TMEM196: variants seen among roughly 807,000 people sequenced by gnomAD.
The protein encoded by TMEM196 is transmembrane protein 196.
In TMEM196, 17 loss-of-function variants were observed where a neutral mutation model predicts 20.0. The observed-to-expected ratio is 0.85, with a 90% CI of 0.58 to 1.27. The LOEUF (loss-of-function observed/expected upper bound fraction) is 1.27, where lower values mean the gene tolerates loss of function less well. Among genes scored for constraint, TMEM196 ranks in the 50% most tolerant of loss-of-function variants. The pLI is 0.00. For synonymous variants in TMEM196, 113 were observed against 88.9 expected, an observed-to-expected ratio of 1.27 and a Z score of -1.52; for missense variants, 267 against 223.0, an observed-to-expected ratio of 1.20 and a Z score of -1.26.
chr7:19,747,079 C>A (rs1381104635), intron 1 of TMEM196, among the ~76,000 whole-genome samples: 2 of 151,524 alleles, frequency 1.3e-5, no homozygotes, highest in Non-Finnish European at 2.9e-5. Flanking sequence ...AACGGTGAAA[C>A]CCCGTCTCTA....
intron 1 of TMEM196, among the ~76,000 whole-genome samples, chr7:19,748,881 A>T (rs752884050): frequency 1.6e-4 from 24 of 152,184 alleles, no homozygotes; most frequent in Non-Finnish European, 1.9e-4. Context: ...CCTTAAAATC[A>T]TGTTTTCTTA....
At chr7:19,725,911 GAT>G (rs1783984942) in intron 2 of TMEM196, 143 bp from the exon 3 acceptor site, 1 of 982,284 alleles carries the variant, frequency 1.0e-6, no homozygotes, top group African/African-American at 1.7e-5. Flanking sequence ...GAGGACAGGA[GAT>G]TTTTTTTTTA....
intron 1 of TMEM196, among the ~76,000 whole-genome samples, chr7:19,770,137 A>T (rs1049307640): frequency 1.3e-5 from 2 of 152,186 alleles, no homozygotes; most frequent in African/African-American, 2.4e-5. Flanking sequence ...GAATAAAATA[A>T]TACTTCTTTC....
chr7:19,739,668 G>A (rs1338863020), intron 1 of TMEM196, among the ~76,000 whole-genome samples: 2 of 152,024 alleles, frequency 1.3e-5, no homozygotes, highest in South Asian at 2.1e-4. Flanking sequence ...AAAGATAAAC[G>A]ATTCAATGGA....
chr7:19,761,776 A>G (rs1018143843), intron 1 of TMEM196, among the ~76,000 whole-genome samples: 13 of 152,224 alleles, frequency 8.5e-5, no homozygotes, highest in African/African-American at 3.1e-4. Flanking sequence ...CATAGCATGT[A>G]GCTAACAGGC....
Position 19,722,153 on chromosome 7 carries a change from GATTA to G in TMEM196, c.534-23_534-20del, listed in dbSNP as rs1294167547. On this transcript the variant is annotated intron_variant, in intron 4 of 4. Transcript: ENST00000405844. ...TTATTTCCTGTTAGAAAAATGACAT[GATTA>G]ATTAAAATTCGCTTTTGGAGTAAGA... The G allele has an allele frequency of 6.3e-7, 1 of 1,597,916 alleles. No individual in the cohort carries two copies. Among genetic ancestry groups the G allele is most frequent in the Non-Finnish European group, 8.5e-7 (1 of 1,172,230 alleles).
chr7:19,754,280 G>T (rs1453261711), intron 1 of TMEM196, among the ~76,000 whole-genome samples: 3 of 152,120 alleles, frequency 2.0e-5, no homozygotes, highest in Non-Finnish European at 4.4e-5. Context: ...ATCTATTATT[G>T]TTTGCAGGTA....
intron 1 of TMEM196, among the ~76,000 whole-genome samples, chr7:19,757,337 C>CTTTTTTTTTT (rs59859025): frequency 0.048 from 3,393 of 71,028 alleles, 4 homozygotes; most frequent in East Asian, 0.053. Context: ...CCACACCCAG[C>CTTTTTTTTTT]TTTTTTTTTT....
Position 19,725,580 on chromosome 7 carries a change from A to T in TMEM196, c.393T>A (p.Tyr131Ter), listed in dbSNP as rs375454945. Residue 131 changes from tyrosine to a stop codon, truncating the protein, a stop_gained, in exon 3 of 5, where the codon TAT becomes TAA. Transcript: ENST00000405844. LOFTEE classifies it high-confidence loss of function. ...SSWLTCRLAS[Y>*]EQRRMFSERE... ...TTTCTGAGAACATCCTCCTCTGTTC[A>T]TAACTGGCTAGTCGACAAGTGAGCC... 6.2e-7 allele frequency: 1 copy of T among 1,614,086 alleles called. No individual in the cohort carries two copies. Among genetic ancestry groups the T allele is most frequent in the Non-Finnish European group, 8.5e-7 (1 of 1,179,974 alleles).
chr7:19,724,415 A>G, intron 3 of TMEM196, 62 bp from the exon 4 acceptor site: 1 of 1,451,856 alleles, frequency 6.9e-7, no homozygotes, highest in South Asian at 1.2e-5. Flanking sequence ...AAACTAAATC[A>G]GACTAGTATA....
chr7:19,722,745 A>G (rs940965155), intron 4 of TMEM196, among the ~76,000 whole-genome samples: 1 of 152,176 alleles, frequency 6.6e-6, no homozygotes, highest in Non-Finnish European at 1.5e-5. Context: ...AAGTAAAACT[A>G]TATAGAAAAG....
At position 19,733,662 on chromosome 7, in the gene TMEM196, A is replaced by T. The variant is rs998544698; in HGVS notation, c.148-4224T>A. ...AGGAAAAGTAGAAGATCCTTTTTTAAAAAAAAAAAAAAATACAGAGGGAGA... is the reference window on the plus strand; with the variant it reads ...AGGAAAAGTAGAAGATCCTTTTTTATAAAAAAAAAAAAATACAGAGGGAGA... On this transcript the variant is annotated intron_variant, in intron 1 of 4. Transcript: ENST00000405844. 5.0e-3 allele frequency among the ~76,000 whole-genome samples: 385 copies of T among 76,500 alleles called. 2 individuals carry two copies. Among genetic ancestry groups the T allele is most frequent in the African/African-American group, 0.02 (371 of 18,836 alleles). The allele number at this position is 76,500 out of a possible 152,430, so 50.2% of individuals were successfully genotyped here.
At chr7:19,732,738 A>T (rs1309463783) in intron 1 of TMEM196, among the ~76,000 whole-genome samples, 1 of 152,142 alleles carries the variant, frequency 6.6e-6, no homozygotes, top group African/African-American at 2.4e-5. Context: ...TTTATGATAT[A>T]ACTTCTGATG....
chr7:19,723,345 T>A (rs1783876581), intron 4 of TMEM196, among the ~76,000 whole-genome samples: 1 of 152,172 alleles, frequency 6.6e-6, no homozygotes, highest in Non-Finnish European at 1.5e-5. Flanking sequence ...TCTAATAAAT[T>A]TACATAAACC....
At chr7:19,751,227 G>A (rs1221402831) in intron 1 of TMEM196, among the ~76,000 whole-genome samples, 13 of 152,216 alleles carry the variant, frequency 8.5e-5, no homozygotes, top group Non-Finnish European at 1.3e-4. Flanking sequence ...ACAGGGGAGA[G>A]AGGTATCTGC....
intron 1 of TMEM196, among the ~76,000 whole-genome samples, chr7:19,758,410 C>T (rs2128035646): frequency 6.6e-6 from 1 of 152,190 alleles, no homozygotes; most frequent in Non-Finnish European, 1.5e-5. Context: ...GGGATCATTC[C>T]TGTTCAGTTT....
intron 1 of TMEM196, among the ~76,000 whole-genome samples, chr7:19,760,297 A>AT (rs1785384738): frequency 7.9e-6 from 1 of 126,498 alleles, no homozygotes; most frequent in Admixed American, 8.1e-5. Context: ...TGCTTTCCTG[A>AT]TTTTCCCACT....
At chr7:19,747,195 C>T (rs1357780466) in intron 1 of TMEM196, among the ~76,000 whole-genome samples, 2 of 149,804 alleles carry the variant, frequency 1.3e-5, no homozygotes, top group Non-Finnish European at 3.0e-5. Context: ...GCGGAGCTTG[C>T]AGTTAGCCGA....
chr7:19,749,754 C>A (rs1405442744), intron 1 of TMEM196, among the ~76,000 whole-genome samples: 1 of 152,176 alleles, frequency 6.6e-6, no homozygotes, highest in African/African-American at 2.4e-5. Context: ...CCCTCACTCA[C>A]AGTTCGTACC....
Sources: gnomAD v4.1 joint callset for allele counts (sites outside exome capture counted in the v4.1 genomes callset) on GRCh38, gnomAD v4.1.1 for gene constraint, MANE v1.5 for transcripts, NCBI Gene and HGNC (gene_info 2026-07-23, HGNC 2026-07-21) for gene names.